The following SLC38A9 variants were observed in gnomAD, a reference collection of about 807,000 sequenced individuals.
SLC38A9 encodes neutral amino acid transporter 9.
Under a neutral mutation model 62.3 loss-of-function variants are expected in SLC38A9, and 48 were observed. That is an observed-to-expected ratio of 0.77 (90% confidence interval 0.61 to 0.98). The LOEUF (loss-of-function observed/expected upper bound fraction) is 0.98. SLC38A9 is among the 50% of genes least tolerant of loss of function. SLC38A9 has a pLI of 0.00. For missense variants in SLC38A9, 541 were observed against 679.8 expected, an observed-to-expected ratio of 0.80 and a Z score of 2.27; for synonymous variants, 204 against 227.7, an observed-to-expected ratio of 0.90 and a Z score of 0.94.
intron 15 of SLC38A9, among the ~76,000 whole-genome samples, 175 bp downstream of exon 15, chr5:55,627,716 G>A (rs529103125): frequency 6.6e-6 from 1 of 152,234 alleles, no homozygotes; most frequent in East Asian, 1.9e-4. Flanking sequence ...AGAACAAACA[G>A]AAAGGGAAGA....
At position 55,691,609 on chromosome 5, in the gene SLC38A9, A is replaced by G. The variant is rs1754752629; in HGVS notation, c.113+6237T>C. ...CAATCCTGAATATGCAGCAACATCA[A>G]GCAATACTGAAAATCAGGTTCTATC... is the stretch of plus-strand genomic sequence containing the variant. On this transcript the variant is annotated intron_variant, in intron 3 of 15. Transcript: ENST00000396865. 2.0e-5 allele frequency among the ~76,000 whole-genome samples: 3 copies of G among 152,240 alleles called. No homozygotes were observed. In the South Asian group the frequency reaches 6.2e-4, roughly 31 times the overall value.
intron 5 of SLC38A9, 40 bp downstream of exon 5, chr5:55,669,718 A>C: frequency 6.2e-7 from 1 of 1,604,994 alleles, no homozygotes; most frequent in Non-Finnish European, 8.5e-7. Context: ...TTTCATCCAT[A>C]TACAGTTTAA....
chr5:55,656,024 A>T lies in SLC38A9; in HGVS notation c.757+691T>A, dbSNP rs150000763. ...TATATATTAATAACTAAAACAATAG[A>T]TCTCTAAAACTAAGTTAAACTGAGA... On this transcript the variant is annotated intron_variant, in intron 9 of 15. Transcript: ENST00000396865. Among the ~76,000 whole-genome samples, 65 of 152,268 alleles carry T rather than the reference A, an allele frequency of 4.3e-4. No individual in the cohort carries two copies. The East Asian group carries it at 0.012, about 29-fold the overall frequency.
At chr5:55,651,390 C>T (rs1432961984) in intron 10 of SLC38A9, among the ~76,000 whole-genome samples, 2 of 151,654 alleles carry the variant, frequency 1.3e-5, no homozygotes, top group African/African-American at 4.9e-5. Context: ...GCTGGGATTA[C>T]AGGCACCAGC....
At chr5:55,641,755 C>G (rs1343781637) in intron 12 of SLC38A9, among the ~76,000 whole-genome samples, 1 of 152,174 alleles carries the variant, frequency 6.6e-6, no homozygotes, top group Non-Finnish European at 1.5e-5. Context: ...GAAAAACATA[C>G]ACAGTGACCA....
At chr5:55,662,440 G>T (rs1244023242) in intron 8 of SLC38A9, among the ~76,000 whole-genome samples, 1 of 152,176 alleles carries the variant, frequency 6.6e-6, no homozygotes, top group Non-Finnish European at 1.5e-5. Flanking sequence ...GGGAGGCTGA[G>T]GTGGGCGGAT....
intron 7 of SLC38A9, 58 bp from the exon 8 acceptor site, chr5:55,664,921 A>T: frequency 1.6e-6 from 2 of 1,218,710 alleles, no homozygotes; most frequent in Non-Finnish European, 2.2e-6. Context: ...CCATATTCAT[A>T]ATTTGTGTTC....
intron 3 of SLC38A9, among the ~76,000 whole-genome samples, chr5:55,688,380 C>CTTA (rs1754238743): frequency 8.1e-6 from 1 of 123,294 alleles, no homozygotes; most frequent in African/African-American, 3.1e-5. Flanking sequence ...GGCATAATCT[C>CTTA]TTTTTTTTTT....
At chr5:55,675,911 A>G (rs1752024794) in intron 3 of SLC38A9, among the ~76,000 whole-genome samples, 1 of 152,304 alleles carries the variant, frequency 6.6e-6, no homozygotes, top group African/African-American at 2.4e-5. Context: ...CTGAAATTTA[A>G]TAACAATGCC....
chr5:55,640,731 T>A (rs901575738), intron 12 of SLC38A9, among the ~76,000 whole-genome samples: 1 of 152,124 alleles, frequency 6.6e-6, no homozygotes, highest in Non-Finnish European at 1.5e-5. Flanking sequence ...ATCACAATAA[T>A]CAATGGGAAA....
chr5:55,678,162 G>C (rs1200370352), intron 3 of SLC38A9, among the ~76,000 whole-genome samples: 2 of 106,398 alleles, frequency 1.9e-5, no homozygotes, highest in African/African-American at 6.2e-5. Context: ...TTTTGAGACA[G>C]TCTTGTTCTG....
chr5:55,635,470 C>T (rs1395132065), intron 13 of SLC38A9, 74 bp downstream of exon 13: 2 of 1,074,278 alleles, frequency 1.9e-6, no homozygotes, highest in Non-Finnish European at 2.9e-6. Flanking sequence ...TATATCTTGC[C>T]ACTGTATCAC....
At chr5:55,696,537 C>T (rs1354648149) in intron 3 of SLC38A9, 1 of 54,074 alleles carries the variant, frequency 1.8e-5, no homozygotes, top group Non-Finnish European at 4.7e-5. Context: ...CCCCCCCCAC[C>T]TCCCTCCCAG....
intron 10 of SLC38A9, among the ~76,000 whole-genome samples, chr5:55,650,123 AAATACATGAAC>A (rs1747125741): frequency 6.6e-6 from 1 of 152,178 alleles, no homozygotes; most frequent in Admixed American, 6.6e-5. Context: ...GTGAGAAGCC[AAATACATGAAC>A]AATCCTGATC....
intron 12 of SLC38A9, among the ~76,000 whole-genome samples, chr5:55,641,467 CA>C (rs1745436977): frequency 6.6e-6 from 1 of 152,210 alleles, no homozygotes; most frequent in Admixed American, 6.5e-5. Context: ...TTTCTGAATG[CA>C]CGTTGATAAG....
chr5:55,653,619 C>T (rs1032779228), intron 9 of SLC38A9, among the ~76,000 whole-genome samples: 1 of 151,872 alleles, frequency 6.6e-6, no homozygotes, highest in Admixed American at 6.6e-5. Flanking sequence ...GCCTAAGAGT[C>T]CAGATGGTAT....
intron 14 of SLC38A9, among the ~76,000 whole-genome samples, chr5:55,628,892 C>T (rs1192773578): frequency 1.3e-5 from 2 of 152,078 alleles, no homozygotes; most frequent in Non-Finnish European, 2.9e-5. Flanking sequence ...TTCTCAAAAG[C>T]CAAATGTACA....
chr5:55,691,039 G>C (rs1314333531), intron 3 of SLC38A9: 2 of 630,232 alleles, frequency 3.2e-6, no homozygotes, highest in Non-Finnish European at 5.7e-6. Context: ...GTGCACGCTA[G>C]AGGACATTAT....
At chr5:55,654,405 G>A (rs1342364499) in intron 9 of SLC38A9, among the ~76,000 whole-genome samples, 2 of 152,020 alleles carry the variant, frequency 1.3e-5, no homozygotes, top group Non-Finnish European at 2.9e-5. Flanking sequence ...ATCACTTGAG[G>A]CCAAGAGTTT....
Sources: gnomAD v4.1 joint callset for allele counts (sites outside exome capture counted in the v4.1 genomes callset) on GRCh38, gnomAD v4.1.1 for gene constraint, MANE v1.5 for transcripts, NCBI Gene and HGNC (gene_info 2026-07-23, HGNC 2026-07-21) for gene names.